TTLL2: variants seen among roughly 807,000 people sequenced by gnomAD.
TTLL2 encodes the protein probable tubulin polyglutamylase TTLL2.
A neutral mutation model predicts 7.5 loss-of-function variants in TTLL2; 10 were observed. The observed-to-expected ratio is 1.33, with a 90% CI of 0.82 to 2.25. The LOEUF is 2.25. Among genes scored for constraint, TTLL2 ranks in the 30% most tolerant of loss-of-function variants. TTLL2 has a pLI of 0.00. For synonymous variants in TTLL2, 284 were observed against 280.3 expected (o/e 1.01, Z -0.13); for missense variants, 733 against 735.7 (o/e 1.00, Z 0.04).
chr6:167,330,909 A>G (rs1778911392), intron 1 of TTLL2, among the ~76,000 whole-genome samples: 1 of 152,124 alleles, frequency 6.6e-6, no homozygotes, highest in Non-Finnish European at 1.5e-5. Context: ...TGCAGTGCAC[A>G]ACACTGCAGC....
At position 167,340,303 on chromosome 6, in the gene TTLL2, C is replaced by A. The variant is rs141913143; in HGVS notation, c.403C>A (p.His135Asn). ...WRTSSFRMTE[H>N]NSVKPWQQLN... Reference sequence around the variant, plus strand: ...GACATCCTCTTTCCGAATGACCGAACACAACAGTGTTAAACCGTGGCAGCA... The same window carrying A: ...GACATCCTCTTTCCGAATGACCGAAAACAACAGTGTTAAACCGTGGCAGCA... The change falls in exon 3 of 3, where the codon CAC becomes AAC. Residue 135 changes from histidine (H) to asparagine (N), a missense_variant. Transcript: ENST00000239587. 795 of 1,614,002 alleles carry A rather than the reference C, an allele frequency of 4.9e-4. No individual in the cohort carries two copies. Among genetic ancestry groups the A allele is most frequent in the Non-Finnish European group, 6.2e-4 (736 of 1,180,024 alleles).
chr6:167,338,342 A>ACACT (rs1378609254), intron 1 of TTLL2, among the ~76,000 whole-genome samples: 3 of 151,976 alleles, frequency 2.0e-5, no homozygotes, highest in Admixed American at 6.6e-5. Context: ...AACACACAAT[A>ACACT]CACTCACACA....
rs1583108139 is a variant in TTLL2 at position 167,330,625 on chromosome 6, TGTAAA to T, written c.47+5407_47+5411del. ...TATACAAAATGTTTTATTCCATTAA[TGTAAA>T]GGAAAAGATCTAGACCCCTGTACCC... is the stretch of plus-strand genomic sequence containing the variant. On this transcript the variant is annotated intron_variant, in intron 1 of 2. Coordinates refer to ENST00000239587, the MANE Select transcript of TTLL2 (RefSeq NM_031949.5). Among the ~76,000 whole-genome samples, 5 of 152,006 alleles carry T rather than the reference TGTAAA, an allele frequency of 3.3e-5. No homozygotes were observed. In the South Asian group the frequency reaches 1.0e-3, roughly 32 times the overall value.
intron 2 of TTLL2, among the ~76,000 whole-genome samples, chr6:167,339,354 G>A (rs1160454941): frequency 2.0e-5 from 3 of 152,196 alleles, no homozygotes; most frequent in Non-Finnish European, 4.4e-5. Flanking sequence ...TTCATCATCA[G>A]TTATGATCGT....
chr6:167,334,434 G>A (rs1778961324), intron 1 of TTLL2, among the ~76,000 whole-genome samples: 4 of 151,546 alleles, frequency 2.6e-5, no homozygotes, highest in Admixed American at 2.6e-4. Context: ...ATTTGGGGTG[G>A]AGAGTTCTGT....
At chr6:167,339,233 G>A (rs59086314) in intron 2 of TTLL2, among the ~76,000 whole-genome samples, 3,218 of 152,122 alleles carry the variant, frequency 0.021, 127 homozygotes, top group African/African-American at 0.074. Context: ...AATTGCCTTA[G>A]CTTGAAAATT....
At position 167,341,002 on chromosome 6, in the gene TTLL2, G is replaced by A; in HGVS notation, c.1102G>A (p.Glu368Lys). 6.2e-7 allele frequency: 1 copy of A among 1,613,974 alleles called. No homozygotes were observed. Among genetic ancestry groups the A allele is most frequent in the African/African-American group, 1.3e-5 (1 of 74,948 alleles). ...TGTCCCCTTTGCTGCCAATTGCTTT[G>A]AGCTCTTTGGGTTTGATATTTTGAT... ...PSVPFAANCFELFGFDILIDD... is the reference protein window; with the variant it reads ...PSVPFAANCFKLFGFDILIDD... The change falls in exon 3 of 3, where the codon GAG becomes AAG. Residue 368 changes from glutamate to lysine, a missense_variant. Coordinates refer to ENST00000239587, the MANE Select transcript of TTLL2 (RefSeq NM_031949.5).
At position 167,325,090 on chromosome 6, in the gene TTLL2, C is replaced by A; in HGVS notation, c.-84C>A. ...GACCCTGCATCATCAGCAACCAGTGCTCCCTCCAGCCTCCGCGCATTTCAG... is the reference window on the plus strand; with the variant it reads ...GACCCTGCATCATCAGCAACCAGTGATCCCTCCAGCCTCCGCGCATTTCAG... On this transcript the variant is annotated 5_prime_UTR_variant, in exon 1 of 3. Transcript: ENST00000239587. 1.4e-6 allele frequency: 2 copies of A among 1,437,412 alleles called. No homozygotes were observed. Among genetic ancestry groups the A allele is most frequent in the Non-Finnish European group, 9.5e-7 (1 of 1,053,162 alleles). The allele number at this position is 1,437,412 out of a possible 1,614,324, so 89.0% of individuals were successfully genotyped here.
intron 1 of TTLL2, among the ~76,000 whole-genome samples, chr6:167,330,210 A>C (rs1778901343): frequency 6.6e-6 from 1 of 152,182 alleles, no homozygotes; most frequent in African/African-American, 2.4e-5. Context: ...ATGGAATGGG[A>C]ATTGTGTGTC....
In TTLL2 at chr6:167,342,608, A is replaced by G. The variant is rs12197891; in HGVS notation, c.*929A>G. Among the ~76,000 whole-genome samples the G allele has an allele frequency of 0.38, 57,445 of 151,874 alleles. 11,788 individuals are homozygous for G. Among genetic ancestry groups the G allele is most frequent in the Middle Eastern group, 0.5 (147 of 294 alleles). ...ACTATATAGAGGTGATGGTTGCACA[A>G]CACGGGGAATTCACTAAGTATCACT... On this transcript the variant is annotated 3_prime_UTR_variant, in exon 3 of 3. Coordinates refer to ENST00000239587, the MANE Select transcript of TTLL2 (RefSeq NM_031949.5).
Position 167,340,944 on chromosome 6 carries a change from G to T in TTLL2, c.1044G>T (p.Met348Ile), listed in dbSNP as rs753608857. Reference sequence around the variant, plus strand: ...TTTTGTGGAAGAAAATCCACCGCATGGTTATTCTCACCATTCTCGCCATTG... The same window carrying T: ...TTTTGTGGAAGAAAATCCACCGCATTGTTATTCTCACCATTCTCGCCATTG... ...DLLLWKKIHR[M>I]VILTILAIAP... The change falls in exon 3 of 3, where the codon ATG becomes ATT. Residue 348 changes from methionine to isoleucine, a missense_variant. Physicochemically the swap from Met to Ile is conservative, Grantham distance 10. Coordinates refer to ENST00000239587, the MANE Select transcript of TTLL2 (RefSeq NM_031949.5). 2 of 1,614,102 alleles carry T rather than the reference G, an allele frequency of 1.2e-6. No homozygotes were observed. The highest frequency in any genetic ancestry group is 4.5e-5 in the East Asian group (2 of 44,872).
chr6:167,336,958 A>T (rs1778991002), intron 1 of TTLL2, among the ~76,000 whole-genome samples: 1 of 152,054 alleles, frequency 6.6e-6, no homozygotes, highest in Non-Finnish European at 1.5e-5. Context: ...CCCTGGGATG[A>T]TGGCCAATCA....
intron 1 of TTLL2, among the ~76,000 whole-genome samples, chr6:167,326,060 A>G (rs1741249295): frequency 6.6e-6 from 1 of 152,132 alleles, no homozygotes; most frequent in African/African-American, 2.4e-5. Flanking sequence ...CCAGTCTTCA[A>G]AGAGGCAAAG....
rs34053826 is a variant in TTLL2 at position 167,340,670 on chromosome 6, G to A, written c.770G>A (p.Arg257His). 289 of 1,614,022 alleles carry A rather than the reference G, an allele frequency of 1.8e-4. No homozygotes were observed. The highest frequency in any genetic ancestry group is 2.3e-4 in the Non-Finnish European group (273 of 1,180,022). ...ATTGGCAGATATAAATGTGATCTCC[G>A]CATCTATGTTTGTGTTACTGGCTTT... is the stretch of plus-strand genomic sequence containing the variant. Reference protein sequence around the residue: ...LLIGRYKCDLRIYVCVTGFKP... With the variant: ...LLIGRYKCDLHIYVCVTGFKP... Residue 257 changes from arginine (R) to histidine (H), a missense_variant, in exon 3 of 3, where the codon CGC (arginine) becomes CAC (histidine). Transcript: ENST00000239587.
chr6:167,325,296 G>A (rs753009482), intron 1 of TTLL2, 76 bp downstream of exon 1: 42 of 1,392,100 alleles, frequency 3.0e-5, no homozygotes, highest in Non-Finnish European at 3.5e-5. Context: ...GCCCCTTCCC[G>A]AGAGCACAGG....
chr6:167,340,097 A>G lies in TTLL2; in HGVS notation c.205-8A>G. ...CTCTCCTAACCTTTCTCAATGATCCATTTTTAGAAAAAACCTCATTTGATG... is the reference window on the plus strand; with the variant it reads ...CTCTCCTAACCTTTCTCAATGATCCGTTTTTAGAAAAAACCTCATTTGATG... On this transcript the variant is annotated splice_polypyrimidine_tract_variant and splice_region_variant and intron_variant, in intron 2 of 2. Transcript: ENST00000239587. The G allele has an allele frequency of 9.0e-6, 14 of 1,559,232 alleles. No individual in the cohort carries two copies. The highest frequency in any genetic ancestry group is 1.2e-5 in the Non-Finnish European group (14 of 1,155,530).
rs201869034 is a variant in TTLL2 at position 167,341,371 on chromosome 6, G to C, written c.1471G>C (p.Glu491Gln). 5 of 1,613,764 alleles carry C rather than the reference G, an allele frequency of 3.1e-6. No homozygotes were observed. In the Admixed American group the frequency reaches 8.3e-5, roughly 27 times the overall value. ...EAAPASQLEG[E>Q]MSGQDFHLST... Reference sequence around the variant, plus strand: ...TGCACCTGCCTCCCAGCTGGAAGGAGAGATGAGTGGGCAGGATTTTCATCT... The same window carrying C: ...TGCACCTGCCTCCCAGCTGGAAGGACAGATGAGTGGGCAGGATTTTCATCT... Residue 491 changes from glutamate to glutamine, a missense_variant, in exon 3 of 3, where the codon GAG (glutamate) becomes CAG (glutamine). Glu to Gln is a conservative substitution (Grantham distance 29). Coordinates refer to ENST00000239587, the MANE Select transcript of TTLL2 (RefSeq NM_031949.5).
Position 167,340,109 on chromosome 6 carries a change from A to T in TTLL2, c.209A>T (p.Lys70Ile). 1 of 1,564,758 alleles carries T rather than the reference A, an allele frequency of 6.4e-7. No individual in the cohort carries two copies. The highest frequency in any genetic ancestry group is 8.6e-7 in the Non-Finnish European group (1 of 1,158,236). ...RPTPTLEKKK[K>I]PHLMAEDEPS... is the part of the protein sequence containing the mutation. Reference sequence around the variant, plus strand: ...TTCTCAATGATCCATTTTTAGAAAAAACCTCATTTGATGGCGGAAGATGAA... The same window carrying T: ...TTCTCAATGATCCATTTTTAGAAAATACCTCATTTGATGGCGGAAGATGAA... The change falls in exon 3 of 3, where the codon AAA becomes ATA. Residue 70 changes from lysine to isoleucine, a missense_variant. Transcript: ENST00000239587.
At position 167,338,824 on chromosome 6, in the gene TTLL2, GTTCCTTCCTTCC is replaced by G. The variant is rs370141340; in HGVS notation, c.204+53_204+64del. 663 of 1,061,298 alleles carry G rather than the reference GTTCCTTCCTTCC, an allele frequency of 6.2e-4. 1 individual carries two copies. The African/African-American group carries it at 8.6e-3, about 14-fold the overall frequency. The allele number at this position is 1,061,298 out of a possible 1,614,324, so 65.7% of individuals were successfully genotyped here. On this transcript the variant is annotated intron_variant, in intron 2 of 2. Transcript: ENST00000239587. ...AGAAGGTGGGTGGGCAAGCCAGGTA[GTTCCTTCCTTCC>G]TTCCTTCCTTCCTTCCTTCCTTCCT...
Sources: allele counts gnomAD v4.1 joint callset (sites outside exome capture counted in the v4.1 genomes callset), GRCh38; gene constraint gnomAD v4.1.1; transcripts MANE v1.5; gene names NCBI Gene and HGNC (gene_info 2026-07-23, HGNC 2026-07-21).